The following C18orf54 variants were observed in gnomAD, a reference collection of about 807,000 sequenced individuals.
C18orf54 encodes the protein lung adenoma susceptibility protein 2.
Under a neutral mutation model 49.3 loss-of-function variants are expected in C18orf54, and 49 were observed. That is an observed-to-expected ratio of 0.99 (90% CI 0.79 to 1.26). The LOEUF (loss-of-function observed/expected upper bound fraction) is 1.26, where lower values mean the gene tolerates loss of function less well. Among genes scored for constraint, C18orf54 ranks in the 50% most tolerant of loss-of-function variants. C18orf54 has a pLI of 0.00. For missense variants in C18orf54, 687 were observed against 620.6 expected (o/e 1.11, Z -1.14); for synonymous variants, 211 against 216.6 (o/e 0.97, Z 0.23).
At position 54,361,919 on chromosome 18, in the gene C18orf54, T is replaced by C. The variant is rs750875498; in HGVS notation, c.560T>C (p.Ile187Thr). The change falls in exon 4 of 9, where the codon ATA becomes ACA. Residue 187 changes from isoleucine to threonine, a missense_variant. Coordinates refer to ENST00000620105, the MANE Select transcript of C18orf54 (RefSeq NM_001288980.2). ...MGKDNFVTPV[I>T]RSNINGKQCG... ...AAGGATAACTTTGTTACTCCTGTTA[T>C]ACGCTCAAATATAAATGGAAAGCAA... The C allele has an allele frequency of 3.1e-6, 5 of 1,614,054 alleles. No individual in the cohort carries two copies. Among genetic ancestry groups the C allele is most frequent in the East Asian group, 4.5e-5 (2 of 44,890 alleles).
At position 54,362,036 on chromosome 18, in the gene C18orf54, A is replaced by C. The variant is rs2089282104; in HGVS notation, c.677A>C (p.Lys226Thr). Residue 226 changes from lysine to threonine, a missense_variant, in exon 4 of 9, where the codon AAG (lysine) becomes ACG (threonine). Transcript: ENST00000620105. ...SLSFPKKSSFKDSSEHSLEKN... is the reference protein window; with the variant it reads ...SLSFPKKSSFTDSSEHSLEKN... ...TCTTTTCCCAAGAAATCGTCTTTCA[A>C]GGACAGTTCAGAACACAGTCTTGAA... is the stretch of plus-strand genomic sequence containing the variant. 6.3e-7 allele frequency: 1 copy of C among 1,579,614 alleles called. No homozygotes were observed. Among genetic ancestry groups the C allele is most frequent in the Non-Finnish European group, 8.6e-7 (1 of 1,162,860 alleles).
chr18:54,365,847 CTTAT>C (rs2089371648), intron 6 of C18orf54, 26 bp downstream of exon 6: 1 of 1,402,508 alleles, frequency 7.1e-7, no homozygotes, highest in Admixed American at 1.8e-5. Flanking sequence ...AGTTTTAAAA[CTTAT>C]TTAAAGATAT....
At chr18:54,365,847 C>T (rs770598273) in intron 6 of C18orf54, 26 bp downstream of exon 6, 1 of 1,402,622 alleles carries the variant, frequency 7.1e-7, no homozygotes, top group South Asian at 1.3e-5. Flanking sequence ...AGTTTTAAAA[C>T]TTATTTAAAG....
In C18orf54 at chr18:54,380,225, T is replaced by C. The variant is rs1244066862; in HGVS notation, c.*1979T>C. On this transcript the variant is annotated 3_prime_UTR_variant, in exon 9 of 9. Coordinates refer to ENST00000620105, the MANE Select transcript of C18orf54 (RefSeq NM_001288980.2). ...TAATTTTAATATCTCAGGGTTCTTT[T>C]TAGGTTTCCAGGGGAAAAGAGCAGG... 6.6e-6 allele frequency: 1 copy of C among 152,050 alleles called. No homozygotes were observed. Among genetic ancestry groups the C allele is most frequent in the Non-Finnish European group, 1.5e-5 (1 of 67,908 alleles). The allele number at this position is 152,050 out of a possible 1,614,324, so 9.4% of individuals were successfully genotyped here. A position where few individuals can be genotyped will look rare whatever the true frequency, so the allele number is the denominator to read the frequency against.
At chr18:54,370,791 C>T (rs1343788324) in intron 6 of C18orf54, among the ~76,000 whole-genome samples, 1 of 152,116 alleles carries the variant, frequency 6.6e-6, no homozygotes, top group African/African-American at 2.4e-5. Context: ...ACATAAATTC[C>T]AGAGGCAGCC....
At chr18:54,367,124 A>G (rs2089401604) in intron 6 of C18orf54, among the ~76,000 whole-genome samples, 2 of 152,066 alleles carry the variant, frequency 1.3e-5, no homozygotes, top group Admixed American at 1.3e-4. Flanking sequence ...TCCATCTCAA[A>G]TTTTAAGTGG....
At chr18:54,360,947 G>C in intron 3 of C18orf54, 92 bp downstream of exon 3, 1 of 1,271,392 alleles carries the variant, frequency 7.9e-7, no homozygotes, top group Non-Finnish European at 1.1e-6. Context: ...CATTATTTTT[G>C]TTACTTTGGA....
rs757010661 is a variant in C18orf54, at chr18:54,378,511, T to C, written c.*265T>C. 1.0e-4 allele frequency: 25 copies of C among 240,536 alleles called. No homozygotes were observed. Among genetic ancestry groups the C allele is most frequent in the Non-Finnish European group, 1.8e-4 (22 of 125,670 alleles). 14.9% of individuals were successfully genotyped at this position (240,536 alleles called of 1,614,324 possible). On this transcript the variant is annotated 3_prime_UTR_variant, in exon 9 of 9. Coordinates refer to ENST00000620105, the MANE Select transcript of C18orf54 (RefSeq NM_001288980.2). ...ACTTTCGCCTTCTGGCCAGCAAATG[T>C]CTAATATTTAAAGATGGATGACTTC...
intron 6 of C18orf54, among the ~76,000 whole-genome samples, chr18:54,370,034 T>C (rs2089458280): frequency 6.6e-6 from 1 of 152,086 alleles, no homozygotes; most frequent in South Asian, 2.1e-4. Flanking sequence ...TTTAACACTT[T>C]GGGAGGCCGA....
At position 54,362,783 on chromosome 18, in the gene C18orf54, A is replaced by G. The variant is rs748333505; in HGVS notation, c.1085A>G (p.Glu362Gly). 9 of 1,603,582 alleles carry G rather than the reference A, an allele frequency of 5.6e-6. No individual in the cohort carries two copies. Among genetic ancestry groups the G allele is most frequent in the Non-Finnish European group, 6.8e-6 (8 of 1,177,742 alleles). The change falls in exon 5 of 9, where the codon GAA becomes GGA. Residue 362 changes from glutamate (E) to glycine (G), a missense_variant. Coordinates refer to ENST00000620105, the MANE Select transcript of C18orf54 (RefSeq NM_001288980.2). Reference sequence around the variant, plus strand: ...CTTTTACAATTAGGTGACAAAATTGAATTGCTTATCTTGAAGGCCAAGAGA... The same window carrying G: ...CTTTTACAATTAGGTGACAAAATTGGATTGCTTATCTTGAAGGCCAAGAGA... ...STKPFSGDKIELLILKAKRNL... is the reference protein window; with the variant it reads ...STKPFSGDKIGLLILKAKRNL...
chr18:54,362,420 A>G lies in C18orf54; in HGVS notation c.1061A>G (p.Lys354Arg). The change falls in exon 4 of 9, where the codon AAG (lysine) becomes AGG (arginine). Residue 354 changes from lysine (K) to arginine (R), a missense_variant. Physicochemically the swap from Lys to Arg is conservative, Grantham distance 26. Coordinates refer to ENST00000620105, the MANE Select transcript of C18orf54 (RefSeq NM_001288980.2). Reference protein sequence around the residue: ...ENPLLPGQSTKPFSGDKIELL... With the variant: ...ENPLLPGQSTRPFSGDKIELL... Reference sequence around the variant, plus strand: ...CCACTTCTCCCAGGACAATCCACAAAGCCATTCAGTGGTAATACTTTGTTT... The same window carrying G: ...CCACTTCTCCCAGGACAATCCACAAGGCCATTCAGTGGTAATACTTTGTTT... The G allele has an allele frequency of 1.3e-6, 2 of 1,512,660 alleles. No homozygotes were observed. The highest frequency in any genetic ancestry group is 1.8e-6 in the Non-Finnish European group (2 of 1,135,868). The allele number at this position is 1,512,660 out of a possible 1,614,324, so 93.7% of individuals were successfully genotyped here.
intron 2 of C18orf54, among the ~76,000 whole-genome samples, 196 bp from the exon 3 acceptor site, chr18:54,360,331 T>C (rs2089238910): frequency 6.6e-6 from 1 of 152,198 alleles, no homozygotes; most frequent in Non-Finnish European, 1.5e-5. Flanking sequence ...ACTCAAAAAA[T>C]GTTTTCTAAA....
At chr18:54,367,980 G>A (rs1299291605) in intron 6 of C18orf54, among the ~76,000 whole-genome samples, 1 of 151,820 alleles carries the variant, frequency 6.6e-6, no homozygotes, top group Non-Finnish European at 1.5e-5. Context: ...GCTCTCTATT[G>A]TATTTTAAAA....
intron 6 of C18orf54, among the ~76,000 whole-genome samples, chr18:54,369,689 G>T (rs2089451231): frequency 6.6e-6 from 1 of 151,846 alleles, no homozygotes; most frequent in African/African-American, 2.4e-5. Context: ...GGCTGGTCTT[G>T]AACTCCTGAC....
intron 7 of C18orf54, 50 bp from the exon 8 acceptor site, chr18:54,374,164 G>T: frequency 7.6e-7 from 1 of 1,319,302 alleles, no homozygotes; most frequent in Non-Finnish European, 1.0e-6. Context: ...ATTTAATTTT[G>T]TAGTTATATA....
chr18:54,359,015 A>G (rs1317910315), intron 2 of C18orf54, 145 bp downstream of exon 2: 1 of 152,192 alleles, frequency 6.6e-6, no homozygotes, highest in Non-Finnish European at 1.5e-5. Context: ...ATGAGTACAT[A>G]GGGGTTTATT....
At chr18:54,359,700 C>G (rs1443161979) in intron 2 of C18orf54, among the ~76,000 whole-genome samples, 1 of 152,128 alleles carries the variant, frequency 6.6e-6, no homozygotes, top group Non-Finnish European at 1.5e-5. Context: ...TCATCATGGA[C>G]TGAATTAGTG....
At chr18:54,365,573 C>G in intron 5 of C18orf54, 146 bp from the exon 6 acceptor site, 1 of 463,044 alleles carries the variant, frequency 2.2e-6, no homozygotes, top group Admixed American at 3.1e-5. Flanking sequence ...AGGGAATTAC[C>G]ATACAACATT....
intron 8 of C18orf54, among the ~76,000 whole-genome samples, chr18:54,374,958 A>G (rs1446646676): frequency 6.6e-6 from 1 of 151,956 alleles, no homozygotes; most frequent in African/African-American, 2.4e-5. Flanking sequence ...TCTGTGATCT[A>G]AGGAACTGGT....
Sources: gnomAD v4.1 joint callset for allele counts (sites outside exome capture counted in the v4.1 genomes callset) on GRCh38, gnomAD v4.1.1 for gene constraint, MANE v1.5 for transcripts, NCBI Gene and HGNC (gene_info 2026-07-23, HGNC 2026-07-21) for gene names.